Variants in DLGAP2 observed in about 807,000 individuals in gnomAD.
The protein encoded by DLGAP2 is disks large-associated protein 2.
In DLGAP2, 26 loss-of-function variants were observed where a neutral mutation model predicts 100.3. The observed-to-expected ratio is 0.26, with a 90% CI of 0.19 to 0.36. DLGAP2 has a LOEUF of 0.36. Ranked by LOEUF, DLGAP2 falls within the 10% of genes least tolerant of loss-of-function variation. The pLI, the probability that DLGAP2 is intolerant of heterozygous loss-of-function variation, is 1.00. For missense variants in DLGAP2, 1,858 were observed against 1,453.2 expected (o/e 1.28, Z -4.53); for synonymous variants, 886 against 630.1 (o/e 1.41, Z -6.08).
At chr8:846,204 A>G (rs1261325027) in intron 1 of DLGAP2, among the ~76,000 whole-genome samples, 1 of 152,200 alleles carries the variant, frequency 6.6e-6, no homozygotes, top group Non-Finnish European at 1.5e-5. Context: ...AACTCCAGTC[A>G]TTCCACTGTG....
intron 1 of DLGAP2, among the ~76,000 whole-genome samples, chr8:883,635 G>A (rs534680476): frequency 5.3e-4 from 77 of 146,520 alleles, no homozygotes; most frequent in Non-Finnish European, 6.9e-4. Flanking sequence ...TTACGTAGGA[G>A]CGCGGGTGCC....
chr8:1,696,937 T>C (rs1022560011), intron 13 of DLGAP2, among the ~76,000 whole-genome samples: 3 of 152,232 alleles, frequency 2.0e-5, no homozygotes, highest in Non-Finnish European at 2.9e-5. Context: ...TGAACAGCTG[T>C]GCTACGTGTT....
At chr8:1,675,043 T>C (rs1358066328) in intron 10 of DLGAP2, among the ~76,000 whole-genome samples, 1 of 152,210 alleles carries the variant, frequency 6.6e-6, no homozygotes, top group Non-Finnish European at 1.5e-5. Context: ...CACTCAAGAA[T>C]GTTCTTCCTC....
intron 6 of DLGAP2, among the ~76,000 whole-genome samples, chr8:1,570,930 A>C (rs1802635527): frequency 1.4e-5 from 2 of 140,874 alleles, no homozygotes; most frequent in Admixed American, 1.4e-4. Context: ...GAGAGGGTGA[A>C]CTGTGGGGGT....
At chr8:1,160,574 C>G (rs899088241) in intron 2 of DLGAP2, among the ~76,000 whole-genome samples, 1 of 152,150 alleles carries the variant, frequency 6.6e-6, no homozygotes, top group Non-Finnish European at 1.5e-5. Flanking sequence ...ATTATTTTGC[C>G]AGTTTGGGGA....
chr8:1,695,256 G>A (rs1004506424), intron 13 of DLGAP2, among the ~76,000 whole-genome samples: 1 of 151,406 alleles, frequency 6.6e-6, no homozygotes, highest in African/African-American at 2.4e-5. Context: ...CAGAAACAGG[G>A]GGCACAGCCA....
At chr8:1,378,739 C>A (rs578073121) in intron 3 of DLGAP2, among the ~76,000 whole-genome samples, 1 of 152,362 alleles carries the variant, frequency 6.6e-6, no homozygotes, top group Non-Finnish European at 1.5e-5. Flanking sequence ...GTTTTGCTTT[C>A]ATTCTAATTT....
At chr8:1,130,940 G>C (rs904441761) in intron 2 of DLGAP2, among the ~76,000 whole-genome samples, 4 of 152,176 alleles carry the variant, frequency 2.6e-5, no homozygotes, top group Admixed American at 6.5e-5. Context: ...GAGGGGAAGG[G>C]TGGCTCTGAG....
Position 1,472,049 on chromosome 8 carries a change from C to G in DLGAP2, c.107-29317C>G, listed in dbSNP as rs146337667. Among the ~76,000 whole-genome samples, 17 of 152,358 alleles carry G rather than the reference C, an allele frequency of 1.1e-4. No homozygotes were observed. The East Asian group carries it at 3.3e-3, about 29-fold the overall frequency. ...GATAAAGCAGTGAGCACCAACAAGC[C>G]CTGGTCTCATAGCAGCCACGATTGA... is the stretch of plus-strand genomic sequence containing the variant. On this transcript the variant is annotated intron_variant, in intron 3 of 14. Transcript: ENST00000637795.
At chr8:1,214,555 G>GTAACCTTCTC (rs1200587412) in intron 2 of DLGAP2, among the ~76,000 whole-genome samples, 1 of 152,236 alleles carries the variant, frequency 6.6e-6, no homozygotes, top group Non-Finnish European at 1.5e-5. Flanking sequence ...CAGGAGTGGA[G>GTAACCTTCTC]TAACCTTCTC....
chr8:1,320,939 A>T (rs1284871982), intron 3 of DLGAP2, among the ~76,000 whole-genome samples: 1 of 152,060 alleles, frequency 6.6e-6, no homozygotes, highest in Non-Finnish European at 1.5e-5. Context: ...GTGTGTATAC[A>T]TGTATCTGTG....
chr8:786,457 G>A (rs1167263464), intron 1 of DLGAP2, among the ~76,000 whole-genome samples: 3 of 152,086 alleles, frequency 2.0e-5, no homozygotes, highest in Non-Finnish European at 4.4e-5. Flanking sequence ...ACTTAGAAAC[G>A]GCAGCAAGTT....
At chr8:1,698,243 C>T (rs544959548) in intron 14 of DLGAP2, among the ~76,000 whole-genome samples, 4 of 152,186 alleles carry the variant, frequency 2.6e-5, no homozygotes, top group Admixed American at 1.3e-4. Context: ...ACAGGGTCCA[C>T]GTAAGCCATG....
intron 2 of DLGAP2, among the ~76,000 whole-genome samples, chr8:948,116 C>T (rs1799378710): frequency 1.3e-5 from 2 of 152,096 alleles, no homozygotes; most frequent in Non-Finnish European, 2.9e-5. Flanking sequence ...TCCACTGACC[C>T]TGTGCCAGCC....
chr8:995,570 C>T (rs548673901), intron 2 of DLGAP2, among the ~76,000 whole-genome samples: 2 of 152,236 alleles, frequency 1.3e-5, no homozygotes, highest in East Asian at 3.9e-4. Flanking sequence ...CCACAAATGT[C>T]AGCCATGCTG....
Position 1,032,353 on chromosome 8 carries a change from G to A in DLGAP2, c.73+124387G>A, listed in dbSNP as rs139407881. Among the ~76,000 whole-genome samples the A allele has an allele frequency of 5.8e-3, 886 of 152,332 alleles. 5 individuals are homozygous for A. Among genetic ancestry groups the A allele is most frequent in the Non-Finnish European group, 0.011 (721 of 68,030 alleles). ...CTGGGACAGTGCCGTCTGCCTGCCT[G>A]TCACTCGGCAGGACCTGGCTCCCAG... is the stretch of plus-strand genomic sequence containing the variant. On this transcript the variant is annotated intron_variant, in intron 2 of 14. Coordinates refer to ENST00000637795, the MANE Select transcript of DLGAP2 (RefSeq NM_001346810.2).
At chr8:1,435,782 A>G (rs1203200670) in intron 3 of DLGAP2, among the ~76,000 whole-genome samples, 2 of 151,948 alleles carry the variant, frequency 1.3e-5, no homozygotes, top group African/African-American at 2.4e-5. Context: ...TGGGACAGGA[A>G]GTGAAGCTGG....
intron 3 of DLGAP2, among the ~76,000 whole-genome samples, chr8:1,328,779 G>C (rs1301309095): frequency 6.6e-6 from 1 of 152,232 alleles, no homozygotes; most frequent in Non-Finnish European, 1.5e-5. Flanking sequence ...CGGCGGAAAT[G>C]TCGGGATGCC....
chr8:1,096,319 TTG>T (rs1288302666), intron 2 of DLGAP2, among the ~76,000 whole-genome samples: 7 of 152,214 alleles, frequency 4.6e-5, no homozygotes, highest in African/African-American at 1.7e-4. Context: ...TGCAGGAGGT[TTG>T]TGTGTGGGCT....
Sources: gnomAD v4.1 joint callset for allele counts (sites outside exome capture counted in the v4.1 genomes callset) on GRCh38, gnomAD v4.1.1 for gene constraint, MANE v1.5 for transcripts, NCBI Gene and HGNC (gene_info 2026-07-23, HGNC 2026-07-21) for gene names.